The following ASAP1 variants were observed in gnomAD, a reference collection of about 807,000 sequenced individuals.
ASAP1 encodes the protein arf-GAP with SH3 domain, ANK repeat and PH domain-containing protein 1.
ASAP1 carries 43 observed loss-of-function variants against 145.2 expected under a neutral mutation model. The ratio of observed to expected loss-of-function variants is 0.30; its 90% CI spans 0.23 to 0.38. ASAP1 has a LOEUF of 0.38. Ranked by LOEUF, ASAP1 falls within the 10% of genes least tolerant of loss-of-function variation. ASAP1 has a pLI of 1.00. For missense variants in ASAP1, 1,018 were observed against 1,355.3 expected, an observed-to-expected ratio of 0.75 and a Z score of 3.91; for synonymous variants, 546 against 515.5, an observed-to-expected ratio of 1.06 and a Z score of -0.80.
At chr8:130,276,776 C>T (rs1434359788) in intron 3 of ASAP1, among the ~76,000 whole-genome samples, 1 of 144,244 alleles carries the variant, frequency 6.9e-6, no homozygotes, top group African/African-American at 2.6e-5. Context: ...AACAAAAAAG[C>T]TCCATGGCAG....
chr8:130,439,341 T>C (rs1016113060), intron 1 of ASAP1, among the ~76,000 whole-genome samples: 21 of 152,178 alleles, frequency 1.4e-4, no homozygotes, highest in African/African-American at 4.1e-4. Context: ...CCTCCAGAAC[T>C]GTAAGATAGT....
chr8:130,214,953 T>G (rs563935213), intron 4 of ASAP1, among the ~76,000 whole-genome samples: 32 of 151,924 alleles, frequency 2.1e-4, no homozygotes, highest in Non-Finnish European at 2.9e-4. Flanking sequence ...CAGGCTGGAG[T>G]GCAATGGCAC....
chr8:130,304,798 T>G (rs1171725986), intron 3 of ASAP1, among the ~76,000 whole-genome samples: 7 of 152,358 alleles, frequency 4.6e-5, no homozygotes, highest in Non-Finnish European at 1.0e-4. Flanking sequence ...GGATCCGTTT[T>G]AAGTGTAAAT....
chr8:130,281,641 A>G (rs1388635300), intron 3 of ASAP1, among the ~76,000 whole-genome samples: 2 of 152,268 alleles, frequency 1.3e-5, no homozygotes, highest in African/African-American at 2.4e-5. Flanking sequence ...GTTTTGCAAC[A>G]TATCTATATG....
At chr8:130,105,031 A>T (rs2097534689) in intron 24 of ASAP1, among the ~76,000 whole-genome samples, 1 of 152,184 alleles carries the variant, frequency 6.6e-6, no homozygotes, top group Non-Finnish European at 1.5e-5. Context: ...ATCACTTTCT[A>T]ATAGTTTTCT....
intron 3 of ASAP1, among the ~76,000 whole-genome samples, chr8:130,315,020 C>G (rs566064489): frequency 3.9e-5 from 6 of 152,210 alleles, no homozygotes; most frequent in African/African-American, 1.4e-4. Flanking sequence ...CTACTGTCTG[C>G]TCCCGTCACA....
intron 3 of ASAP1, among the ~76,000 whole-genome samples, chr8:130,292,312 A>G (rs78874739): frequency 0.016 from 2,503 of 152,330 alleles, 69 homozygotes; most frequent in African/African-American, 0.055. Flanking sequence ...TTGTCTGCGC[A>G]TGTGGGTAAT....
At chr8:130,140,413 T>C (rs1035882939) in intron 13 of ASAP1, among the ~76,000 whole-genome samples, 1 of 151,978 alleles carries the variant, frequency 6.6e-6, no homozygotes, top group South Asian at 2.1e-4. Flanking sequence ...GAATGTTTAT[T>C]ATGTAGGTAA....
At chr8:130,201,627 T>C (rs922480775) in intron 5 of ASAP1, among the ~76,000 whole-genome samples, 1 of 152,196 alleles carries the variant, frequency 6.6e-6, no homozygotes, top group Non-Finnish European at 1.5e-5. Flanking sequence ...GTAGCTAGGA[T>C]TTATAAGACC....
chr8:130,255,905 G>A (rs1160872662), intron 3 of ASAP1, among the ~76,000 whole-genome samples: 1 of 152,000 alleles, frequency 6.6e-6, no homozygotes, highest in Non-Finnish European at 1.5e-5. Flanking sequence ...ATCTTAAAAG[G>A]GTCCAATGGC....
At chr8:130,353,271 T>A (rs1364995849) in intron 3 of ASAP1, among the ~76,000 whole-genome samples, 1 of 152,180 alleles carries the variant, frequency 6.6e-6, no homozygotes, top group East Asian at 1.9e-4. Context: ...TCCCCAAAAA[T>A]GTGTTGAACA....
At chr8:130,169,453 A>G (rs964435622) in intron 9 of ASAP1, among the ~76,000 whole-genome samples, 3 of 152,232 alleles carry the variant, frequency 2.0e-5, no homozygotes, top group Non-Finnish European at 2.9e-5. Flanking sequence ...AACCAGTGGA[A>G]TATCATGAGG....
At chr8:130,090,820 T>C (rs536058029) in intron 25 of ASAP1, among the ~76,000 whole-genome samples, 9 of 152,274 alleles carry the variant, frequency 5.9e-5, no homozygotes, top group Admixed American at 1.3e-4. Flanking sequence ...CCGGGGTGTC[T>C]GGGCCAGATG....
intron 3 of ASAP1, among the ~76,000 whole-genome samples, chr8:130,305,393 C>CT (rs1751481019): frequency 1.3e-5 from 2 of 152,230 alleles, no homozygotes; most frequent in Admixed American, 1.3e-4. Context: ...GTTGCCCAGG[C>CT]TGGAGTCCAG....
chr8:130,122,594 T>C (rs2097568258), intron 18 of ASAP1, among the ~76,000 whole-genome samples: 1 of 152,214 alleles, frequency 6.6e-6, no homozygotes, highest in South Asian at 2.1e-4. Context: ...TAGATATATG[T>C]TCTGGATGAG....
Position 130,335,469 on chromosome 8 carries a change from T to C in ASAP1, c.186+22548A>G, listed in dbSNP as rs114511713. 8.3e-3 allele frequency among the ~76,000 whole-genome samples: 1,268 copies of C among 152,294 alleles called. 19 individuals are homozygous for C. The highest frequency in any genetic ancestry group is 0.029 in the African/African-American group (1,220 of 41,562). Reference sequence around the variant, plus strand: ...GTCCATCAGATTAAAACTTGGTTGGTCACACTAACTTCTACTCAGAAATAG... The same window carrying C: ...GTCCATCAGATTAAAACTTGGTTGGCCACACTAACTTCTACTCAGAAATAG... On this transcript the variant is annotated intron_variant, in intron 3 of 29. Coordinates refer to ENST00000518721, the MANE Select transcript of ASAP1 (RefSeq NM_018482.4).
intron 3 of ASAP1, among the ~76,000 whole-genome samples, chr8:130,306,529 T>C (rs1823003063): frequency 2.6e-5 from 4 of 152,200 alleles, no homozygotes. Context: ...CATGATCAAT[T>C]GGTCAAAGGT....
chr8:130,437,910 T>A (rs35977498), intron 1 of ASAP1, among the ~76,000 whole-genome samples: 42,472 of 151,770 alleles, frequency 0.28, 6,101 homozygotes, highest in Non-Finnish European at 0.32. Flanking sequence ...AGGGACATAC[T>A]TACTTTTGTT....
chr8:130,104,428 C>T (rs1429914430), intron 24 of ASAP1, among the ~76,000 whole-genome samples: 2 of 152,202 alleles, frequency 1.3e-5, no homozygotes, highest in African/African-American at 4.8e-5. Context: ...CTCAGCATTC[C>T]ACAAGTTACT....
Sources: gnomAD v4.1 joint callset for allele counts (sites outside exome capture counted in the v4.1 genomes callset) on GRCh38, gnomAD v4.1.1 for gene constraint, MANE v1.5 for transcripts, NCBI Gene and HGNC (gene_info 2026-07-23, HGNC 2026-07-21) for gene names.